Variants in FAM13A observed in about 807,000 individuals in gnomAD.
FAM13A encodes protein FAM13A.
In FAM13A, 76 loss-of-function variants were observed where a neutral mutation model predicts 129.6. The observed-to-expected ratio is 0.59, with a 90% CI of 0.49 to 0.71. The LOEUF (loss-of-function observed/expected upper bound fraction) is 0.71. Ranked by LOEUF, FAM13A falls within the 30% of genes least tolerant of loss-of-function variation. FAM13A has a pLI of 0.00. For missense variants in FAM13A, 1,108 were observed against 1,249.3 expected (o/e 0.89, Z 1.70); for synonymous variants, 443 against 449.9 (o/e 0.98, Z 0.20).
intron 7 of FAM13A, among the ~76,000 whole-genome samples, chr4:88,835,095 T>C (rs1032787430): frequency 7.9e-5 from 12 of 152,164 alleles, no homozygotes; most frequent in Admixed American, 7.9e-4. Flanking sequence ...CAATGTAAAA[T>C]CTAAATTCCA....
chr4:88,778,858 C>T (rs1169316589), intron 11 of FAM13A, among the ~76,000 whole-genome samples: 1 of 152,120 alleles, frequency 6.6e-6, no homozygotes, highest in Non-Finnish European at 1.5e-5. Context: ...TCTGTGGTTC[C>T]TTCAATATTC....
At chr4:88,776,845 G>A (rs1721823062) in intron 11 of FAM13A, among the ~76,000 whole-genome samples, 1 of 152,028 alleles carries the variant, frequency 6.6e-6, no homozygotes, top group Non-Finnish European at 1.5e-5. Flanking sequence ...ACAGTGGTGT[G>A]CGCCTGTAAA....
intron 4 of FAM13A, among the ~76,000 whole-genome samples, chr4:88,980,537 C>T (rs926234488): frequency 9.2e-5 from 14 of 152,178 alleles, no homozygotes; most frequent in African/African-American, 3.4e-4. Context: ...ACTTTCCAAT[C>T]ACCCATTCTT....
chr4:88,949,480 C>A (rs984605100), intron 4 of FAM13A, among the ~76,000 whole-genome samples: 1 of 152,184 alleles, frequency 6.6e-6, no homozygotes, highest in Non-Finnish European at 1.5e-5. Context: ...TGAAAGCAAT[C>A]ACTTGAGGCC....
At chr4:88,889,981 T>C (rs1483264957) in intron 6 of FAM13A, among the ~76,000 whole-genome samples, 2 of 152,252 alleles carry the variant, frequency 1.3e-5, no homozygotes, top group East Asian at 1.9e-4. Context: ...AACTGGAACA[T>C]AGAGGCCAGT....
At chr4:88,823,091 T>A in intron 7 of FAM13A, 1 of 1,590,206 alleles carries the variant, frequency 6.3e-7, no homozygotes, top group Non-Finnish European at 8.5e-7. Context: ...CTTCTTACAG[T>A]GGCTAAGCTG....
chr4:88,753,043 C>G (rs1024195400), intron 14 of FAM13A, among the ~76,000 whole-genome samples: 3 of 152,176 alleles, frequency 2.0e-5, no homozygotes, highest in African/African-American at 7.2e-5. Flanking sequence ...TATGAGTGTG[C>G]TGGTTAGTTT....
In FAM13A at chr4:88,853,127, G is replaced by T. The variant is rs138258363; in HGVS notation, c.844-1944C>A. On this transcript the variant is annotated intron_variant, in intron 6 of 23. Coordinates refer to ENST00000264344, the MANE Select transcript of FAM13A (RefSeq NM_014883.4). Reference sequence around the variant, plus strand: ...ACATTTCTTTGCAGAGCATTCTTAAGCTCATAAAATCAGGAAAGCAAGGAA... The same window carrying T: ...ACATTTCTTTGCAGAGCATTCTTAATCTCATAAAATCAGGAAAGCAAGGAA... 6.1e-3 allele frequency among the ~76,000 whole-genome samples: 923 copies of T among 152,162 alleles called. 14 individuals carry two copies. Among genetic ancestry groups the T allele is most frequent in the African/African-American group, 0.021 (868 of 41,532 alleles).
intron 6 of FAM13A, among the ~76,000 whole-genome samples, chr4:88,894,354 T>C (rs148883773): frequency 1.8e-4 from 28 of 152,224 alleles, no homozygotes; most frequent in African/African-American, 4.1e-4. Flanking sequence ...AAAGTTAATA[T>C]TGACAGCATA....
intron 10 of FAM13A, among the ~76,000 whole-genome samples, chr4:88,785,492 C>G (rs987469): frequency 0.53 from 80,907 of 151,790 alleles, 21,970 homozygotes; most frequent in East Asian, 0.69. Flanking sequence ...AAGGTTAAAA[C>G]AGAAATCTAA....
At chr4:88,768,391 G>A (rs1024510703) in intron 11 of FAM13A, 1 of 174,868 alleles carries the variant, frequency 5.7e-6, no homozygotes, top group African/African-American at 2.4e-5. Flanking sequence ...ATCAGGGTGG[G>A]TCAGACTTAG....
intron 5 of FAM13A, among the ~76,000 whole-genome samples, chr4:88,929,488 T>A: frequency 7.2e-6 from 1 of 138,590 alleles, no homozygotes; most frequent in Non-Finnish European, 1.7e-5. Context: ...TTTCTAAACT[T>A]TTTTTTATCC....
chr4:88,983,352 G>A (rs1192870995), intron 4 of FAM13A, among the ~76,000 whole-genome samples: 1 of 151,880 alleles, frequency 6.6e-6, no homozygotes, highest in East Asian at 1.9e-4. Flanking sequence ...TATTCAACAA[G>A]GAAAAATAAA....
intron 6 of FAM13A, among the ~76,000 whole-genome samples, chr4:88,884,214 AAAC>A (rs1412287360): frequency 1.3e-5 from 2 of 152,156 alleles, no homozygotes; most frequent in African/African-American, 2.4e-5. Context: ...AAAAAAAAGA[AAAC>A]AACAGACCAA....
In FAM13A at chr4:88,950,193, A is replaced by G. The variant is rs574498621; in HGVS notation, c.606-11952T>C. 9.1e-5 allele frequency among the ~76,000 whole-genome samples: 13 copies of G among 143,530 alleles called. No individual in the cohort carries two copies. The East Asian group carries it at 2.6e-3, about 29-fold the overall frequency. The allele number at this position is 143,530 out of a possible 152,430, so 94.2% of individuals were successfully genotyped here. ...AAGGATAATTACTGTTAAATTTGCA[A>G]TGATAAAAATCAGGCTTTTTTTTTT... is the stretch of plus-strand genomic sequence containing the variant. On this transcript the variant is annotated intron_variant, in intron 4 of 23. Coordinates refer to ENST00000264344, the MANE Select transcript of FAM13A (RefSeq NM_014883.4).
chr4:88,814,382 ATG>A (rs1338591829), intron 7 of FAM13A, among the ~76,000 whole-genome samples: 4 of 152,058 alleles, frequency 2.6e-5, no homozygotes, highest in Non-Finnish European at 5.9e-5. Flanking sequence ...GAGGAGAACT[ATG>A]AGAGAGACAG....
At chr4:88,735,313 C>T (rs1738758983) in intron 21 of FAM13A, among the ~76,000 whole-genome samples, 1 of 152,156 alleles carries the variant, frequency 6.6e-6, no homozygotes, top group South Asian at 2.1e-4. Flanking sequence ...TTTTAAATTA[C>T]ATATTATGTA....
intron 3 of FAM13A, among the ~76,000 whole-genome samples, chr4:89,002,577 T>C (rs1012599338): frequency 6.6e-6 from 1 of 152,194 alleles, no homozygotes; most frequent in Non-Finnish European, 1.5e-5. Flanking sequence ...ATACTGACAT[T>C]TGGGCATCCC....
At chr4:88,924,218 G>A (rs1292227126) in intron 5 of FAM13A, among the ~76,000 whole-genome samples, 1 of 152,096 alleles carries the variant, frequency 6.6e-6, no homozygotes, top group Non-Finnish European at 1.5e-5. Context: ...AAGTTCATAT[G>A]GAACCCAAAA....
Sources: allele counts gnomAD v4.1 joint callset (sites outside exome capture counted in the v4.1 genomes callset), GRCh38; gene constraint gnomAD v4.1.1; transcripts MANE v1.5; gene names NCBI Gene and HGNC (gene_info 2026-07-23, HGNC 2026-07-21).